The following CR1 variants were observed in gnomAD, a reference collection of about 807,000 sequenced individuals.
CR1 encodes complement C3b/C4b receptor 1 (Knops blood group), also known as complement receptor type 1.
Under a neutral mutation model 187.3 loss-of-function variants are expected in CR1, and 116 were observed. That is an observed-to-expected ratio of 0.62 (90% confidence interval 0.53 to 0.72). The LOEUF (loss-of-function observed/expected upper bound fraction) is 0.72, where lower values mean the gene tolerates loss of function less well. Among genes scored for constraint, CR1 ranks in the 30% least tolerant of loss-of-function variants. The probability of loss-of-function intolerance (pLI) is 0.00; values close to 1 mark genes in which losing one functional copy is unlikely to be tolerated. For missense variants in CR1, 1,731 were observed against 2,110.7 expected (o/e 0.82, Z 3.52); for synonymous variants, 576 against 747.1 (o/e 0.77, Z 3.73).
intron 41 of CR1, among the ~76,000 whole-genome samples, chr1:207,617,686 T>A (rs1409499682): frequency 9.9e-6 from 1 of 101,048 alleles, no homozygotes; most frequent in Admixed American, 1.1e-4. Context: ...CCTCCATAGC[T>A]CATTCCTTTG....
rs574578676 is a variant in CR1 at position 207,584,841 on chromosome 1, G to A, written c.5495G>A (p.Ser1832Asn). The A allele has an allele frequency of 2.5e-4, 411 of 1,613,958 alleles. 5 individuals are homozygous for A. In the South Asian group the frequency reaches 4.3e-3, roughly 17 times the overall value. ...SDPHGNGVWS[S>N]PAPRCELSVR... ...CCTCATGGGAATGGGGTTTGGAGCA[G>A]CCCTGCCCCTCGCTGTGAACTTTCT... is the stretch of plus-strand genomic sequence containing the variant. The change falls in exon 33 of 47, where the codon AGC becomes AAC. Residue 1832 changes from serine to asparagine, a missense_variant. Around this residue, in one of 5 missense-constraint regions of CR1, gnomAD observed 1,312 missense variants for 1,379.6 expected, o/e 0.95. Coordinates refer to ENST00000367049, the MANE Select transcript of CR1 (RefSeq NM_000651.6).
chr1:207,565,773 A>G, intron 23 of CR1, 65 bp from the exon 24 acceptor site: 1 of 1,601,562 alleles, frequency 6.2e-7, no homozygotes, highest in South Asian at 1.1e-5. Context: ...GCTGGGCCTT[A>G]GATTGTGAAC....
chr1:207,605,723 CCTTTT>C (rs1454854683), intron 35 of CR1, among the ~76,000 whole-genome samples: 1 of 152,144 alleles, frequency 6.6e-6, no homozygotes, highest in Non-Finnish European at 1.5e-5. Flanking sequence ...ATGGGATTAT[CCTTTT>C]CTTTCCTTTC....
chr1:207,564,205 A>G lies in CR1; in HGVS notation c.3837A>G (p.Gly1279=). 6.3e-7 allele frequency: 1 copy of G among 1,586,656 alleles called. No homozygotes were observed. Among genetic ancestry groups the G allele is most frequent in the Non-Finnish European group, 8.5e-7 (1 of 1,170,896 alleles). ...RVLFPVNLQL[G]AKVDFVCDEG... ...TATTTCCAGTAAATCTCCAGCTTGG[A>G]GCAAAAGTGGATTTTGTTTGTGATG... The change falls in exon 23 of 47, where the codon GGA becomes GGG. Residue 1279 remains glycine, a synonymous_variant. Transcript: ENST00000367049.
In CR1 at chr1:207,637,043, G is replaced by A. The variant is rs114739935; in HGVS notation, c.7458-2354G>A. ...ATAGTATAAAATAGCTTACGATCTC[G>A]TTTCTAAAGTTTGATTTCTAGACCA... On this transcript the variant is annotated intron_variant, in intron 46 of 46. Transcript: ENST00000367049. Among the ~76,000 whole-genome samples the A allele has an allele frequency of 4.4e-3, 671 of 152,298 alleles. 5 individuals are homozygous for A. The highest frequency in any genetic ancestry group is 0.014 in the African/African-American group (575 of 41,558).
intron 3 of CR1, among the ~76,000 whole-genome samples, chr1:207,510,935 C>T (rs1229743234): frequency 6.6e-6 from 1 of 151,974 alleles, no homozygotes; most frequent in Non-Finnish European, 1.5e-5. Context: ...GATCTTCATG[C>T]CTCAGCCTCC....
chr1:207,573,547 G>A (rs2102331903), intron 27 of CR1, among the ~76,000 whole-genome samples: 1 of 151,840 alleles, frequency 6.6e-6, no homozygotes, highest in South Asian at 2.1e-4. Context: ...AGACCAGTCT[G>A]AAAAATCAGG....
chr1:207,565,776 T>C, intron 23 of CR1, 62 bp from the exon 24 acceptor site: 26 of 1,603,874 alleles, frequency 1.6e-5, no homozygotes, highest in South Asian at 1.2e-4. Flanking sequence ...GGGCCTTAGA[T>C]TGTGAACTAA....
chr1:207,633,853 C>T (rs527701584), intron 46 of CR1, among the ~76,000 whole-genome samples: 33 of 151,830 alleles, frequency 2.2e-4, no homozygotes, highest in African/African-American at 7.5e-4. Flanking sequence ...AAAGAGTCAG[C>T]GAAGGGAGAT....
chr1:207,622,663 G>GAAAT (rs936125515), intron 44 of CR1, among the ~76,000 whole-genome samples: 8 of 152,174 alleles, frequency 5.3e-5, no homozygotes, highest in African/African-American at 1.9e-4. Flanking sequence ...TTTTCACAAT[G>GAAAT]AAATGCCTGT....
rs71154830 is a variant in CR1 at position 207,623,911 on chromosome 1, CTTTTTTTTTTTTTTT to C, written c.7352+861_7352+875del. Among the ~76,000 whole-genome samples the C allele has an allele frequency of 1.1e-4, 6 of 52,474 alleles. No homozygotes were observed. In the East Asian group the frequency reaches 2.7e-3, roughly 24 times the overall value. The allele number at this position is 52,474 out of a possible 152,430, so 34.4% of individuals were successfully genotyped here. A position where few individuals can be genotyped will look rare whatever the true frequency, so the allele number is the denominator to read the frequency against. On this transcript the variant is annotated intron_variant, in intron 45 of 46. Transcript: ENST00000367049. ...ACAAATATTTTGTAAACACCATTAA[CTTTTTTTTTTTTTTT>C]TTTTTTTTTTTTTTTTTAAGACCGA...
rs1192587789 is a variant in CR1, at chr1:207,585,444, G to C, written c.5530+568G>C. ...TTGTACTTGAACTGTTCCACTCAGGGGGTAAGAAGCAAGGAAAGAGTAGCC... is the reference window on the plus strand; with the variant it reads ...TTGTACTTGAACTGTTCCACTCAGGCGGTAAGAAGCAAGGAAAGAGTAGCC... On this transcript the variant is annotated intron_variant, in intron 33 of 46. Coordinates refer to ENST00000367049, the MANE Select transcript of CR1 (RefSeq NM_000651.6). Among the ~76,000 whole-genome samples, 7 of 152,296 alleles carry C rather than the reference G, an allele frequency of 4.6e-5. No individual in the cohort carries two copies. The East Asian group carries it at 1.2e-3, about 25-fold the overall frequency.
In CR1 at chr1:207,618,184, G is replaced by A; in HGVS notation, c.7003G>A (p.Gly2335Arg). 2 of 1,613,776 alleles carry A rather than the reference G, an allele frequency of 1.2e-6. No homozygotes were observed. Among genetic ancestry groups the A allele is most frequent in the Non-Finnish European group, 1.7e-6 (2 of 1,179,780 alleles). ...TTGTGACCCCGGCTACCTGTTAGTGGGAAAGGGCTTCATTTTCTGTACAGA... is the reference window on the plus strand; with the variant it reads ...TTGTGACCCCGGCTACCTGTTAGTGAGAAAGGGCTTCATTTTCTGTACAGA... ...YICDPGYLLV[G>R]KGFIFCTDQG... Residue 2335 changes from glycine (G) to arginine (R), a missense_variant, in exon 42 of 47, where the codon GGA becomes AGA. Gly to Arg is a moderately radical substitution (Grantham distance 125). Around this residue, in one of 5 missense-constraint regions of CR1, gnomAD observed 1,312 missense variants for 1,379.6 expected, o/e 0.95. Transcript: ENST00000367049.
intron 43 of CR1, among the ~76,000 whole-genome samples, chr1:207,621,043 G>A (rs1662299373): frequency 6.6e-6 from 1 of 152,198 alleles, no homozygotes; most frequent in African/African-American, 2.4e-5. Flanking sequence ...GGAGGCCGAG[G>A]CGGATGGATC....
chr1:207,616,894 A>G (rs1662116607), intron 41 of CR1, 92 bp downstream of exon 41: 14 of 1,525,886 alleles, frequency 9.2e-6, no homozygotes, highest in Non-Finnish European at 7.1e-6. Flanking sequence ...TTTGCTTGTG[A>G]AAATGGCTTT....
chr1:207,589,329 G>A (rs10779330), intron 35 of CR1, among the ~76,000 whole-genome samples: 33,219 of 152,038 alleles, frequency 0.22, 3,846 homozygotes, highest in South Asian at 0.44. Context: ...ACTCTGGAGT[G>A]GACCTCCATC....
At chr1:207,632,509 C>A (rs1662674276) in intron 46 of CR1, among the ~76,000 whole-genome samples, 2 of 152,104 alleles carry the variant, frequency 1.3e-5, no homozygotes, top group South Asian at 4.1e-4. Context: ...AATAAGACGG[C>A]TGGGCGCTGT....
intron 31 of CR1, 88 bp downstream of exon 31, chr1:207,580,701 T>A: frequency 8.2e-7 from 1 of 1,216,844 alleles, no homozygotes; most frequent in Non-Finnish European, 1.2e-6. Flanking sequence ...AGGGCTGACC[T>A]AGGAGAAGAA....
chr1:207,586,085 G>A (rs1661102616), intron 33 of CR1, among the ~76,000 whole-genome samples: 1 of 151,960 alleles, frequency 6.6e-6, no homozygotes, highest in Admixed American at 6.6e-5. Context: ...AAGGCTGATG[G>A]CTTAGTCTGT....
Sources: allele counts gnomAD v4.1 joint callset (sites outside exome capture counted in the v4.1 genomes callset), GRCh38; gene constraint gnomAD v4.1.1; regional missense constraint gnomAD v4.1.1; transcripts MANE v1.5; gene names NCBI Gene and HGNC (gene_info 2026-07-23, HGNC 2026-07-21).